Variants in TMPRSS13 observed in about 807,000 individuals in gnomAD.
TMPRSS13 encodes transmembrane protease serine 13.
In TMPRSS13, 50 loss-of-function variants were observed where a neutral mutation model predicts 68.4. That is an observed-to-expected ratio of 0.73 (90% CI 0.58 to 0.93). TMPRSS13 has a LOEUF of 0.93. TMPRSS13 is among the 40% of genes least tolerant of loss of function. The probability of loss-of-function intolerance (pLI) is 0.00; values close to 1 mark genes in which losing one functional copy is unlikely to be tolerated. For synonymous variants in TMPRSS13, 267 were observed against 285.8 expected, an observed-to-expected ratio of 0.93 and a Z score of 0.66; for missense variants, 615 against 729.2, an observed-to-expected ratio of 0.84 and a Z score of 1.80.
chr11:117,904,861 TTATATATATATATATATATATATATA>T (rs58001868), intron 10 of TMPRSS13, among the ~76,000 whole-genome samples: 68 of 100,564 alleles, frequency 6.8e-4, no homozygotes, highest in Admixed American at 1.6e-3. Context: ...CTAGATAAGA[TTATATATATATATATATATATATATA>T]TATATATATA....
chr11:117,904,022 G>C lies in TMPRSS13; in HGVS notation c.1461C>G (p.Asp487Glu), dbSNP rs775990766. The C allele has an allele frequency of 6.2e-7, 1 of 1,613,758 alleles. No homozygotes were observed. The highest frequency in any genetic ancestry group is 8.5e-7 in the Non-Finnish European group (1 of 1,179,868). The stretch of plus-strand genomic sequence containing the variant: ...ACATCATCCTTGGGGTAAGGTAACT[G>C]TCATAGACCAAGTAGTCATTGCATT... ...FKKCNDYLVY[D>E]SYLTPRMMCA... The change falls in exon 11 of 13, where the codon GAC becomes GAG. Residue 487 changes from aspartate to glutamate, a missense_variant. Physicochemically the swap from Asp to Glu is conservative, Grantham distance 45. Transcript: ENST00000524993.
Position 117,902,032 on chromosome 11 carries a change from G to A in TMPRSS13, c.*207C>T. The stretch of plus-strand genomic sequence containing the variant: ...TTTGAGAAGAGTTGACAGCTCTGCT[G>A]GTTTCTGAAAAACTTGGGAGAGTGG... On this transcript the variant is annotated 3_prime_UTR_variant, in exon 13 of 13. Transcript: ENST00000524993. 2 of 623,316 alleles carry A rather than the reference G, an allele frequency of 3.2e-6. No homozygotes were observed. The highest frequency in any genetic ancestry group is 1.9e-5 in the South Asian group (1 of 53,426). 38.6% of individuals were successfully genotyped at this position (623,316 alleles called of 1,614,324 possible). A position where few individuals can be genotyped will look rare whatever the true frequency, so the allele number is the denominator to read the frequency against.
intron 7 of TMPRSS13, among the ~76,000 whole-genome samples, chr11:117,910,304 T>C (rs7951651): frequency 0.98 from 149,835 of 152,250 alleles, 73,781 homozygotes; most frequent in East Asian, 1. Context: ...GGCACTGTGT[T>C]GGGCATTGGG....
At chr11:117,929,082 A>G (rs925760767) in intron 1 of TMPRSS13, among the ~76,000 whole-genome samples, 2 of 152,308 alleles carry the variant, frequency 1.3e-5, no homozygotes, top group Admixed American at 6.5e-5. Context: ...AAATCCCAGC[A>G]GCTTCTCCTC....
In TMPRSS13 at chr11:117,918,276, C is replaced by A. The variant is rs1487183464; in HGVS notation, c.451+133G>T. 6 of 1,160,884 alleles carry A rather than the reference C, an allele frequency of 5.2e-6. No homozygotes were observed. The Middle Eastern group carries it at 8.8e-4, about 170-fold the overall frequency. The allele number at this position is 1,160,884 out of a possible 1,614,324, so 71.9% of individuals were successfully genotyped here. ...TTTGCCTCCACCCTCAGGTCCCTCA[C>A]TTCCCACCCCCCTACCTCCCCTTCC... is the stretch of plus-strand genomic sequence containing the variant. On this transcript the variant is annotated intron_variant, in intron 2 of 12. Coordinates refer to ENST00000524993, the MANE Select transcript of TMPRSS13 (RefSeq NM_001077263.3).
intron 1 of TMPRSS13, among the ~76,000 whole-genome samples, chr11:117,921,440 T>C (rs2057647721): frequency 6.6e-6 from 1 of 152,138 alleles, no homozygotes; most frequent in South Asian, 2.1e-4. Flanking sequence ...AGCACAGTCG[T>C]CTCATTCCCA....
Position 117,905,643 on chromosome 11 carries a change from G to A in TMPRSS13, c.1376C>T (p.Thr459Ile). ...WITGFGKTRE[T>I]DDKTSPFLRE... ...CAAGCATCTTTGCCTCTTACCATCTGTCTCCCTGGTCTTGCCAAAGCCTGT... is the reference window on the plus strand; with the variant it reads ...CAAGCATCTTTGCCTCTTACCATCTATCTCCCTGGTCTTGCCAAAGCCTGT... The change falls in exon 10 of 13, where the codon ACA becomes ATA. Residue 459 changes from threonine (T) to isoleucine (I), a missense_variant. Thr to Ile is a moderately conservative substitution (Grantham distance 89). Transcript: ENST00000524993. 3 of 1,598,252 alleles carry A rather than the reference G, an allele frequency of 1.9e-6. No homozygotes were observed. Among genetic ancestry groups the A allele is most frequent in the South Asian group, 1.1e-5 (1 of 88,468 alleles).
At position 117,914,332 on chromosome 11, in the gene TMPRSS13, C is replaced by T. The variant is rs1025239362; in HGVS notation, c.679+60G>A. ...ATGCATACACACACACATATACAAA[C>T]AGGCACACAAACACATGCACATGCA... On this transcript the variant is annotated intron_variant, in intron 4 of 12. Coordinates refer to ENST00000524993, the MANE Select transcript of TMPRSS13 (RefSeq NM_001077263.3). This position sits in a 1 kb window ranked among gnomAD's most constrained non-coding sequence, Gnocchi z 4.2. 1 of 1,601,424 alleles carries T rather than the reference C, an allele frequency of 6.2e-7. No individual in the cohort carries two copies. Among genetic ancestry groups the T allele is most frequent in the African/African-American group, 1.3e-5 (1 of 74,928 alleles).
rs1353906224 is a variant in TMPRSS13 at position 117,903,974 on chromosome 11, G to A, written c.1509C>T (p.Gly503=). The change falls in exon 11 of 13, where the codon GGC becomes GGT. Residue 503 remains glycine, a synonymous_variant. Coordinates refer to ENST00000524993, the MANE Select transcript of TMPRSS13 (RefSeq NM_001077263.3). ...GTACCCTCACCTGGCAGGAGTCTCT[G>A]CCCCCACGAAGGTCCCCAGCACACA... The part of the protein sequence containing the change: ...RMMCAGDLRG[G]RDSCQGDSGG... The A allele has an allele frequency of 6.2e-7, 1 of 1,612,264 alleles. No individual in the cohort carries two copies. The highest frequency in any genetic ancestry group is 2.2e-5 in the East Asian group (1 of 44,802).
At position 117,909,963 on chromosome 11, in the gene TMPRSS13, C is replaced by T. The variant is rs764937938; in HGVS notation, c.952G>A (p.Gly318Arg). The T allele has an allele frequency of 4.3e-6, 7 of 1,613,778 alleles. No individual in the cohort carries two copies. The highest frequency in any genetic ancestry group is 4.0e-5 in the African/African-American group (3 of 74,920). Residue 318 changes from glycine to arginine, a missense_variant, in exon 8 of 13, where the codon GGA becomes AGA. Gly to Arg is a moderately radical substitution (Grantham distance 125). Transcript: ENST00000524993. ...RYISLQCSHC[G>R]LRAMTGRIVG... is the part of the protein sequence containing the mutation. ...ATCCGCCCGGTCATGGCCCTCAGTCCGCAGTCTGGAGGGAAGGAGTAGACG... is the reference window on the plus strand; with the variant it reads ...ATCCGCCCGGTCATGGCCCTCAGTCTGCAGTCTGGAGGGAAGGAGTAGACG...
intron 12 of TMPRSS13, chr11:117,903,138 C>T: frequency 7.5e-7 from 1 of 1,330,558 alleles, no homozygotes; most frequent in South Asian, 1.9e-5. Flanking sequence ...TGGTAGTTCT[C>T]AGGGAGCATT....
chr11:117,913,960 C>G, intron 4 of TMPRSS13, 54 bp from the exon 5 acceptor site: 4 of 1,592,940 alleles, frequency 2.5e-6, no homozygotes, highest in Middle Eastern at 2.1e-4. Flanking sequence ...AAGCATCAAG[C>G]TCTTGGGGGA....
chr11:117,909,867 T>C lies in TMPRSS13; in HGVS notation c.1048A>G (p.Ile350Val), dbSNP rs143476849. 354 of 1,614,028 alleles carry C rather than the reference T, an allele frequency of 2.2e-4. No homozygotes were observed. In the African/African-American group the frequency reaches 3.5e-3, roughly 16 times the overall value. Residue 350 changes from isoleucine (I) to valine (V), a missense_variant, in exon 8 of 13, where the codon ATC becomes GTC. Coordinates refer to ENST00000524993, the MANE Select transcript of TMPRSS13 (RefSeq NM_001077263.3). ...QVSLHFGTTH[I>V]CGGTLIDAQW... Reference sequence around the variant, plus strand: ...GCGTCAATGAGCGTGCCTCCACAGATGTGGGTGGTGCCGAAGTGCAGACTC... The same window carrying C: ...GCGTCAATGAGCGTGCCTCCACAGACGTGGGTGGTGCCGAAGTGCAGACTC...
Position 117,909,829 on chromosome 11 carries a change from G to A in TMPRSS13, c.1086C>T (p.Leu362=), listed in dbSNP as rs770666254. 11 of 1,612,660 alleles carry A rather than the reference G, an allele frequency of 6.8e-6. No homozygotes were observed. In the Middle Eastern group the frequency reaches 5.0e-4, roughly 73 times the overall value. ...GGTLIDAQWV[L]TAAHCFFVTR... is the part of the protein sequence containing the mutation. ...ACACGAAGAAGCAGTGGGCGGCAGTGAGCACCCACTGGGCGTCAATGAGCG... is the reference window on the plus strand; with the variant it reads ...ACACGAAGAAGCAGTGGGCGGCAGTAAGCACCCACTGGGCGTCAATGAGCG... The change falls in exon 8 of 13, where the codon CTC becomes CTT. Residue 362 remains leucine (L), a synonymous_variant. Transcript: ENST00000524993.
Position 117,915,279 on chromosome 11 carries a change from C to G in TMPRSS13, c.557-765G>C, listed in dbSNP as rs2057565816. Reference sequence around the variant, plus strand: ...GGGCCCTCCTGCCTGGAGGCACCTCCCCTTGGCTGCCTCACAGACCCGGGT... The same window carrying G: ...GGGCCCTCCTGCCTGGAGGCACCTCGCCTTGGCTGCCTCACAGACCCGGGT... On this transcript the variant is annotated intron_variant, in intron 3 of 12. Transcript: ENST00000524993. This position sits in a 1 kb window ranked among gnomAD's most constrained non-coding sequence, Gnocchi z 4.9. Among the ~76,000 whole-genome samples the G allele has an allele frequency of 6.6e-6, 1 of 152,174 alleles. No individual in the cohort carries two copies.
At chr11:117,928,137 G>T (rs1165588118) in intron 1 of TMPRSS13, among the ~76,000 whole-genome samples, 1 of 152,200 alleles carries the variant, frequency 6.6e-6, no homozygotes, top group Non-Finnish European at 1.5e-5. Flanking sequence ...TGCCAAGGAG[G>T]ATGCCCCATG....
chr11:117,902,397 G>T, intron 12 of TMPRSS13, 132 bp from the exon 13 acceptor site: 2 of 913,454 alleles, frequency 2.2e-6, no homozygotes, highest in Non-Finnish European at 3.6e-6. Flanking sequence ...AGGAGGGAGA[G>T]CAAAGGGAAA....
At chr11:117,903,040 A>G (rs1421262295) in intron 12 of TMPRSS13, 21 of 1,051,164 alleles carry the variant, frequency 2.0e-5, no homozygotes, top group Non-Finnish European at 2.4e-5. Context: ...AAAAACATAA[A>G]ATAACTTTTT....
At chr11:117,910,306 G>A (rs1481231683) in intron 7 of TMPRSS13, among the ~76,000 whole-genome samples, 3 of 152,104 alleles carry the variant, frequency 2.0e-5, no homozygotes, top group Non-Finnish European at 2.9e-5. Context: ...CACTGTGTTG[G>A]GCATTGGGGT....
Sources: gnomAD v4.1 joint callset for allele counts (sites outside exome capture counted in the v4.1 genomes callset) on GRCh38, gnomAD v4.1.1 for gene constraint, Gnocchi (gnomAD v3.1) non-coding constraint, MANE v1.5 for transcripts, NCBI Gene and HGNC (gene_info 2026-07-23, HGNC 2026-07-21) for gene names.